KDM4B: variants seen among roughly 807,000 people sequenced by gnomAD.
KDM4B encodes lysine demethylase 4B.
In KDM4B, 32 loss-of-function variants were observed where a neutral mutation model predicts 125.2. The ratio of observed to expected loss-of-function variants is 0.26; its 90% CI spans 0.19 to 0.34. The LOEUF is 0.34. Among genes scored for constraint, KDM4B ranks in the 10% least tolerant of loss-of-function variants. The pLI, the probability that KDM4B is intolerant of heterozygous loss-of-function variation, is 1.00. For missense variants in KDM4B, 1,190 were observed against 1,577.7 expected (o/e 0.75, Z 4.16); for synonymous variants, 721 against 677.9 (o/e 1.06, Z -0.99).
chr19:5,014,123 G>C (rs77518353), intron 1 of KDM4B, among the ~76,000 whole-genome samples: 2 of 152,232 alleles, frequency 1.3e-5, no homozygotes, highest in Non-Finnish European at 2.9e-5. Flanking sequence ...AGCTCATTGC[G>C]TGCTCTAGGG....
chr19:5,095,622 A>C (rs1422646057), intron 9 of KDM4B, among the ~76,000 whole-genome samples: 2 of 152,140 alleles, frequency 1.3e-5, no homozygotes, highest in Non-Finnish European at 2.9e-5. Context: ...TGTGGATCAG[A>C]TCGCAAGGGG....
At chr19:5,034,753 T>C (rs2036565072) in intron 3 of KDM4B, among the ~76,000 whole-genome samples, 1 of 152,200 alleles carries the variant, frequency 6.6e-6, no homozygotes. Context: ...GCATTGTTAT[T>C]TCTTTGTCTC....
chr19:5,072,600 T>C (rs781017096), intron 7 of KDM4B, among the ~76,000 whole-genome samples: 14 of 152,196 alleles, frequency 9.2e-5, no homozygotes, highest in Non-Finnish European at 1.9e-4. Flanking sequence ...TTTCTCCCAT[T>C]GTATGTTTTT....
At chr19:5,079,862 G>A (rs984504612) in intron 8 of KDM4B, among the ~76,000 whole-genome samples, 1 of 151,966 alleles carries the variant, frequency 6.6e-6, no homozygotes, top group Non-Finnish European at 1.5e-5. Flanking sequence ...CACCATGCCC[G>A]GCCCAGTAAT....
chr19:5,090,363 C>CCCA lies in KDM4B; in HGVS notation c.918+7859_918+7860insCCA, dbSNP rs1568291422. 2.1e-4 allele frequency among the ~76,000 whole-genome samples: 28 copies of CCCA among 132,912 alleles called. 12 individuals carry two copies. Among genetic ancestry groups the CCCA allele is most frequent in the African/African-American group, 8.2e-4 (28 of 34,168 alleles). 87.2% of individuals were successfully genotyped at this position (132,912 alleles called of 152,430 possible). A position where few individuals can be genotyped will look rare whatever the true frequency, so the allele number is the denominator to read the frequency against. On this transcript the variant is annotated intron_variant, in intron 9 of 22. Coordinates refer to ENST00000159111, the MANE Select transcript of KDM4B (RefSeq NM_015015.3). ...TGGTAACGTTCTCTCTCTCTCTCTC[C>CCCA]TCATCTCTCTCTCCCCCCATATCTC... is the stretch of plus-strand genomic sequence containing the variant.
At chr19:5,036,523 C>T (rs980350272) in intron 3 of KDM4B, among the ~76,000 whole-genome samples, 2 of 152,210 alleles carry the variant, frequency 1.3e-5, no homozygotes, top group Admixed American at 6.5e-5. Flanking sequence ...TCCAGTGCCC[C>T]TCCACCCCCA....
At chr19:5,017,749 T>A (rs1328892487) in intron 2 of KDM4B, among the ~76,000 whole-genome samples, 5 of 152,102 alleles carry the variant, frequency 3.3e-5, no homozygotes, top group African/African-American at 4.8e-5. Context: ...TATTTATTTT[T>A]ATTTTTTTTG....
chr19:4,995,514 A>G (rs2035170874), intron 1 of KDM4B, among the ~76,000 whole-genome samples: 1 of 151,886 alleles, frequency 6.6e-6, no homozygotes, highest in South Asian at 2.1e-4. Flanking sequence ...CCTGACCTCA[A>G]CCGATCTGCC....
At chr19:5,134,845 G>C (rs1402678845) in intron 14 of KDM4B, among the ~76,000 whole-genome samples, 2 of 152,300 alleles carry the variant, frequency 1.3e-5, no homozygotes, top group East Asian at 3.9e-4. Flanking sequence ...GCTGGATTTA[G>C]TGCTCTGGTT....
chr19:5,110,589 G>T, intron 9 of KDM4B, 33 bp from the exon 10 acceptor site: 1 of 1,610,646 alleles, frequency 6.2e-7, no homozygotes, highest in Non-Finnish European at 8.5e-7. Context: ...TCCAGGTGTG[G>T]CGCGAGGGCT....
chr19:5,070,891 C>T, intron 6 of KDM4B, 119 bp from the exon 7 acceptor site: 2 of 994,164 alleles, frequency 2.0e-6, no homozygotes, highest in Non-Finnish European at 3.1e-6. Context: ...CTGACCATGA[C>T]TCCACTTTGC....
intron 9 of KDM4B, among the ~76,000 whole-genome samples, chr19:5,108,804 G>C (rs1490547916): frequency 6.6e-6 from 1 of 152,232 alleles, no homozygotes; most frequent in Non-Finnish European, 1.5e-5. Context: ...GCTGAGATAA[G>C]GGTTGGCAGA....
intron 6 of KDM4B, among the ~76,000 whole-genome samples, chr19:5,066,981 A>G (rs913424483): frequency 1.3e-5 from 2 of 152,082 alleles, no homozygotes; most frequent in African/African-American, 4.8e-5. Flanking sequence ...GTCCCGGCCG[A>G]TGTGAGTCCT....
At chr19:5,062,803 TAG>T (rs2037649167) in intron 6 of KDM4B, among the ~76,000 whole-genome samples, 2 of 131,048 alleles carry the variant, frequency 1.5e-5, no homozygotes, top group Admixed American at 1.6e-4. Context: ...TTTTTAGAGA[TAG>T]AGTTTCCCTC....
intron 3 of KDM4B, among the ~76,000 whole-genome samples, chr19:5,038,334 C>A (rs567905176): frequency 2.6e-5 from 4 of 152,344 alleles, no homozygotes; most frequent in African/African-American, 9.6e-5. Context: ...GGCTCACCCC[C>A]ACCAGAGGAG....
chr19:4,985,325 TA>T (rs559931492), intron 1 of KDM4B, among the ~76,000 whole-genome samples: 51 of 149,040 alleles, frequency 3.4e-4, no homozygotes, highest in Middle Eastern at 3.4e-3. Flanking sequence ...CTCCGTCTCT[TA>T]AAAAAAAAAA....
chr19:4,969,791 C>T (rs1456555705), intron 1 of KDM4B, among the ~76,000 whole-genome samples: 1 of 151,600 alleles, frequency 6.6e-6, no homozygotes, highest in African/African-American at 2.4e-5. Flanking sequence ...CCTGCACTGC[C>T]CCCACCTCCG....
intron 1 of KDM4B, among the ~76,000 whole-genome samples, chr19:4,989,642 T>G (rs2034968910): frequency 6.7e-6 from 1 of 150,002 alleles, no homozygotes; most frequent in South Asian, 2.1e-4. Flanking sequence ...TGCCCAGTCT[T>G]CTTCTTCTTC....
chr19:5,091,883 C>CCCACGGA (rs2038714871), intron 9 of KDM4B, among the ~76,000 whole-genome samples: 1 of 151,222 alleles, frequency 6.6e-6, no homozygotes, highest in African/African-American at 2.4e-5. Flanking sequence ...TGATTTATGG[C>CCCACGGA]GTTGTGGGGC....
Sources: allele counts gnomAD v4.1 joint callset (sites outside exome capture counted in the v4.1 genomes callset), GRCh38; gene constraint gnomAD v4.1.1; transcripts MANE v1.5; gene names NCBI Gene and HGNC (gene_info 2026-07-23, HGNC 2026-07-21).